Variants in ECE1 observed in about 807,000 individuals in gnomAD.
The protein encoded by ECE1 is endothelin-converting enzyme 1.
In ECE1, 35 loss-of-function variants were observed where a neutral mutation model predicts 98.6. The ratio of observed to expected loss-of-function variants is 0.35; its 90% confidence interval spans 0.27 to 0.47. The LOEUF (loss-of-function observed/expected upper bound fraction) is 0.47, where lower values mean the gene tolerates loss of function less well. Among genes scored for constraint, ECE1 ranks in the 20% least tolerant of loss-of-function variants. The pLI, the probability that ECE1 is intolerant of heterozygous loss-of-function variation, is 1.00. For synonymous variants in ECE1, 394 were observed against 407.1 expected (o/e 0.97, Z 0.39); for missense variants, 814 against 1,025.3 (o/e 0.79, Z 2.81).
At chr1:21,252,404 C>T (rs1252796198) in intron 8 of ECE1, among the ~76,000 whole-genome samples, 1 of 152,344 alleles carries the variant, frequency 6.6e-6, no homozygotes, top group African/African-American at 2.4e-5. Flanking sequence ...CCAGTGAGCT[C>T]CATTTTCCAC....
chr1:21,331,643 C>T (rs1461975191), intron 1 of ECE1, among the ~76,000 whole-genome samples: 1 of 151,960 alleles, frequency 6.6e-6, no homozygotes, highest in East Asian at 1.9e-4. Flanking sequence ...GCCCAGGTTC[C>T]ACTCTAGCTC....
In ECE1 at chr1:21,227,944, G is replaced by C; in HGVS notation, c.1768C>G (p.Arg590Gly). ...GAGGCAGCCTACTTGGGTGAGGAGC[G>C]TGTGTAGAATGGTGCCTGCAGGATC... ...AGILQAPFYT[R>G]SSPKALNFGG... Residue 590 changes from arginine (R) to glycine (G), a missense_variant, in exon 15 of 19, where the codon CGC (arginine) becomes GGC (glycine). This residue lies in a region of ECE1 where 452 missense variants were observed against 567.3 expected (regional missense o/e 0.80). Transcript: ENST00000374893. 6.4e-7 allele frequency: 1 copy of C among 1,554,284 alleles called. No individual in the cohort carries two copies.
intron 1 of ECE1, among the ~76,000 whole-genome samples, chr1:21,333,443 T>C (rs1374568602): frequency 6.6e-6 from 1 of 152,110 alleles, no homozygotes; most frequent in East Asian, 1.9e-4. Flanking sequence ...CCATGGCCCA[T>C]TCTCATCTTC....
intron 1 of ECE1, among the ~76,000 whole-genome samples, chr1:21,332,713 AG>A (rs1416990726): frequency 0.27 from 310 of 1,146 alleles, 13 homozygotes; most frequent in Non-Finnish European, 0.38. Context: ...GAGGTGAGGG[AG>A]GGGAGGGGAG....
chr1:21,329,507 T>C lies in ECE1; in HGVS notation c.3+15869A>G, dbSNP rs574239428. ...ACTTACTGGCTTAGCTGTGTGACCT[T>C]GGACACATGGCTCAACCTCTGTGAG... is the stretch of plus-strand genomic sequence containing the variant. On this transcript the variant is annotated intron_variant, in intron 1 of 18. Transcript: ENST00000415912. Among the ~76,000 whole-genome samples, 8 of 152,320 alleles carry C rather than the reference T, an allele frequency of 5.3e-5. No individual in the cohort carries two copies. The East Asian group carries it at 7.7e-4, about 15-fold the overall frequency.
chr1:21,232,142 T>A (rs929629883), intron 14 of ECE1, among the ~76,000 whole-genome samples: 1 of 152,146 alleles, frequency 6.6e-6, no homozygotes, highest in Non-Finnish European at 1.5e-5. Flanking sequence ...TGAACCCCTA[T>A]AGTCCACCAG....
chr1:21,236,841 T>C lies in ECE1; in HGVS notation c.1393A>G (p.Thr465Ala). The change falls in exon 12 of 19, where the codon ACC becomes GCC. Residue 465 changes from threonine to alanine, a missense_variant. Physicochemically the swap from Thr to Ala is moderately conservative, Grantham distance 58. This residue lies in a region of ECE1 where 452 missense variants were observed against 567.3 expected (regional missense o/e 0.80). Coordinates refer to ENST00000374893, the MANE Select transcript of ECE1 (RefSeq NM_001397.3). ...TTCTTAATCTCCAGGATGATCTCGG[T>C]GGCCTGAGGAGATACACATCACAGC... is the stretch of plus-strand genomic sequence containing the variant. Reference protein sequence around the residue: ...TFAEDSKSIATEIILEIKKAF... With the variant: ...TFAEDSKSIAAEIILEIKKAF... The C allele has an allele frequency of 5.6e-6, 9 of 1,613,758 alleles. No individual in the cohort carries two copies. Among genetic ancestry groups the C allele is most frequent in the Non-Finnish European group, 7.6e-6 (9 of 1,179,982 alleles).
At chr1:21,301,849 AAAAAAG>A (rs1638492701) in intron 1 of ECE1, among the ~76,000 whole-genome samples, 1 of 150,788 alleles carries the variant, frequency 6.6e-6, no homozygotes, top group African/African-American at 2.4e-5. Flanking sequence ...AAAAAAAAAA[AAAAAAG>A]GCCAATTCAA....
In ECE1 at chr1:21,307,634, TCTGGGG is replaced by T. The variant is rs1296244084; in HGVS notation, c.4-17484_4-17479del. On this transcript the variant is annotated intron_variant, in intron 1 of 18. Coordinates refer to the ECE1 transcript ENST00000415912. This position sits in a 1 kb window ranked among gnomAD's most constrained non-coding sequence, Gnocchi z 4.2. ...ATTCCTGTCATTTGTCCCCACTGGG[TCTGGGG>T]CTGGGGCTTCTTTGTACCTCTGAGG... is the stretch of plus-strand genomic sequence containing the variant. Among the ~76,000 whole-genome samples the T allele has an allele frequency of 1.3e-5, 2 of 151,970 alleles. No homozygotes were observed. Among genetic ancestry groups the T allele is most frequent in the African/African-American group, 4.8e-5 (2 of 41,364 alleles).
chr1:21,318,025 A>G (rs1638870461), intron 1 of ECE1, among the ~76,000 whole-genome samples: 1 of 152,232 alleles, frequency 6.6e-6, no homozygotes, highest in Non-Finnish European at 1.5e-5. Context: ...TCCAAGGTGC[A>G]CCTTGAAGGT....
chr1:21,261,871 G>A (rs972998924), intron 4 of ECE1, among the ~76,000 whole-genome samples: 31 of 152,314 alleles, frequency 2.0e-4, no homozygotes, highest in African/African-American at 4.8e-4. Context: ...ACTGGGTTGC[G>A]CGGAGCAGGA....
In ECE1 at chr1:21,225,499, G is replaced by A; in HGVS notation, c.1850-59C>T. ...GGGAGGGGCACAGCAGGGACCTGCTGCTCCTCCCTGCTCCTGGTGAGAAGC... is the reference window on the plus strand; with the variant it reads ...GGGAGGGGCACAGCAGGGACCTGCTACTCCTCCCTGCTCCTGGTGAGAAGC... On this transcript the variant is annotated intron_variant, in intron 16 of 18. Coordinates refer to ENST00000374893, the MANE Select transcript of ECE1 (RefSeq NM_001397.3). This position sits in a 1 kb window ranked among gnomAD's most constrained non-coding sequence, Gnocchi z 5.3. 2.5e-6 allele frequency: 4 copies of A among 1,568,716 alleles called. No homozygotes were observed. Among genetic ancestry groups the A allele is most frequent in the South Asian group, 1.1e-5 (1 of 87,598 alleles).
In ECE1 at chr1:21,329,506, T is replaced by G. The variant is rs1639149971; in HGVS notation, c.3+15870A>C. On this transcript the variant is annotated intron_variant, in intron 1 of 18. Transcript: ENST00000415912. ...TACTTACTGGCTTAGCTGTGTGACC[T>G]TGGACACATGGCTCAACCTCTGTGA... 3.3e-5 allele frequency among the ~76,000 whole-genome samples: 5 copies of G among 152,322 alleles called. No homozygotes were observed. The South Asian group carries it at 1.0e-3, about 32-fold the overall frequency.
chr1:21,295,274 A>G (rs1638323422), upstream of ECE1, among the ~76,000 whole-genome samples: 1 of 152,196 alleles, frequency 6.6e-6, no homozygotes, highest in Non-Finnish European at 1.5e-5. Flanking sequence ...ACCTGGGGAG[A>G]CCCAGGCCGG....
At chr1:21,270,580 C>A (rs371750038) in intron 4 of ECE1, among the ~76,000 whole-genome samples, 12 of 152,354 alleles carry the variant, frequency 7.9e-5, no homozygotes, top group East Asian at 3.9e-4. Flanking sequence ...AGCTTCCACC[C>A]TGCAGGATCA....
At chr1:21,238,544 G>A (rs1382209296) in intron 10 of ECE1, among the ~76,000 whole-genome samples, 1 of 152,112 alleles carries the variant, frequency 6.6e-6, no homozygotes, top group Non-Finnish European at 1.5e-5. Context: ...AAACACACTC[G>A]GCACGGAGCA....
intron 10 of ECE1, among the ~76,000 whole-genome samples, chr1:21,243,295 TGTAA>T (rs895810547): frequency 1.5e-4 from 23 of 152,280 alleles, no homozygotes; most frequent in African/African-American, 5.5e-4. Flanking sequence ...ATCATCATTA[TGTAA>T]GTGAGTAGCT....
chr1:21,238,738 GC>G (rs1246048848), intron 10 of ECE1, among the ~76,000 whole-genome samples: 1 of 152,136 alleles, frequency 6.6e-6, no homozygotes, highest in Non-Finnish European at 1.5e-5. Context: ...AGAAAAAACT[GC>G]CCCAGGGCCA....
chr1:21,252,902 C>T (rs907306937), intron 8 of ECE1, among the ~76,000 whole-genome samples: 4 of 152,190 alleles, frequency 2.6e-5, no homozygotes, highest in African/African-American at 9.6e-5. Context: ...TATGCTTGTA[C>T]TGGGTTGTGC....
Sources: allele counts gnomAD v4.1 joint callset (sites outside exome capture counted in the v4.1 genomes callset), GRCh38; gene constraint gnomAD v4.1.1; regional missense constraint gnomAD v4.1.1; non-coding constraint Gnocchi (gnomAD v3.1); transcripts MANE v1.5; gene names NCBI Gene and HGNC (gene_info 2026-07-23, HGNC 2026-07-21).